Variants in ARHGEF3 observed in about 807,000 individuals in gnomAD.
ARHGEF3 encodes Rho guanine nucleotide exchange factor 3.
Under a neutral mutation model 63.2 loss-of-function variants are expected in ARHGEF3, and 28 were observed. The ratio of observed to expected loss-of-function variants is 0.44; its 90% CI spans 0.33 to 0.61. ARHGEF3 has a LOEUF of 0.61. Among genes scored for constraint, ARHGEF3 ranks in the 20% least tolerant of loss-of-function variants. The pLI, the probability that ARHGEF3 is intolerant of heterozygous loss-of-function variation, is 0.03. For synonymous variants in ARHGEF3, 266 were observed against 254.2 expected (o/e 1.05, Z -0.44); for missense variants, 533 against 659.3 (o/e 0.81, Z 2.10).
At chr3:57,069,854 AGGCGG>A (rs953658816) in intron 1 of ARHGEF3, among the ~76,000 whole-genome samples, 34 of 152,194 alleles carry the variant, frequency 2.2e-4, no homozygotes, top group Non-Finnish European at 1.2e-4. Flanking sequence ...TTTGCTGCCC[AGGCGG>A]GTCTCAAACT....
chr3:56,983,659 C>T (rs373351102), intron 2 of ARHGEF3, among the ~76,000 whole-genome samples: 10 of 152,106 alleles, frequency 6.6e-5, no homozygotes. Context: ...GACTATCAGC[C>T]GGAAGCAGTG....
chr3:56,831,792 A>G (rs1210079056), intron 4 of ARHGEF3, among the ~76,000 whole-genome samples: 1 of 152,256 alleles, frequency 6.6e-6, no homozygotes, highest in Non-Finnish European at 1.5e-5. Flanking sequence ...CCAGTTCCAC[A>G]TCAACCAGTT....
chr3:56,824,570 G>T (rs1167912393), intron 4 of ARHGEF3, among the ~76,000 whole-genome samples: 1 of 152,150 alleles, frequency 6.6e-6, no homozygotes, highest in Non-Finnish European at 1.5e-5. Context: ...ACCCAAATTT[G>T]CTTAAAAGCC....
chr3:57,067,816 A>G (rs1410480908), intron 1 of ARHGEF3, among the ~76,000 whole-genome samples: 1 of 71,674 alleles, frequency 1.4e-5, no homozygotes, highest in East Asian at 7.4e-4. Flanking sequence ...CGTCTCTACT[A>G]AAAAAAAAAA....
chr3:56,862,816 C>G (rs1260801932), intron 4 of ARHGEF3, among the ~76,000 whole-genome samples: 1 of 152,170 alleles, frequency 6.6e-6, no homozygotes, highest in African/African-American at 2.4e-5. Flanking sequence ...AAATGCACCC[C>G]CTTAGCAAAC....
At chr3:57,032,359 A>T (rs1703768492) in intron 2 of ARHGEF3, among the ~76,000 whole-genome samples, 1 of 152,234 alleles carries the variant, frequency 6.6e-6, no homozygotes, top group Non-Finnish European at 1.5e-5. Flanking sequence ...CAGATTCTGA[A>T]TAACAACTGA....
At chr3:56,911,962 CACACACATATATATAT>C (rs1363193373) in intron 3 of ARHGEF3, among the ~76,000 whole-genome samples, 5 of 150,720 alleles carry the variant, frequency 3.3e-5, no homozygotes, top group Non-Finnish European at 7.4e-5. Context: ...TATATATATA[CACACACATATATATAT>C]ACACACATAT....
At chr3:56,798,271 C>A (rs546615637) in intron 1 of ARHGEF3, among the ~76,000 whole-genome samples, 2 of 152,306 alleles carry the variant, frequency 1.3e-5, no homozygotes, top group African/African-American at 4.8e-5. Context: ...ATTTTTAAAA[C>A]TGCTGAGAGT....
intron 1 of ARHGEF3, among the ~76,000 whole-genome samples, chr3:56,774,502 A>C (rs1219010718): frequency 6.6e-6 from 1 of 152,180 alleles, no homozygotes; most frequent in Non-Finnish European, 1.5e-5. Flanking sequence ...AATCACCTCC[A>C]CATAAAACAT....
intron 1 of ARHGEF3, among the ~76,000 whole-genome samples, chr3:57,059,943 C>T (rs964133263): frequency 1.3e-5 from 2 of 152,004 alleles, no homozygotes; most frequent in Non-Finnish European, 2.9e-5. Context: ...TTGCAGTCAG[C>T]GGAGATCACG....
chr3:56,818,901 G>A (rs958068019), intron 4 of ARHGEF3, among the ~76,000 whole-genome samples: 3 of 152,102 alleles, frequency 2.0e-5, no homozygotes, highest in African/African-American at 4.8e-5. Flanking sequence ...AGAATAAAGA[G>A]AGAGGAAAGA....
intron 1 of ARHGEF3, among the ~76,000 whole-genome samples, chr3:57,063,271 C>T (rs1454878981): frequency 7.0e-6 from 1 of 143,344 alleles, no homozygotes; most frequent in Non-Finnish European, 1.5e-5. Context: ...GCAGCCAGAT[C>T]ACATGGGGCC....
intron 3 of ARHGEF3, among the ~76,000 whole-genome samples, chr3:56,945,075 A>G (rs1209727347): frequency 6.6e-6 from 1 of 152,230 alleles, no homozygotes; most frequent in Non-Finnish European, 1.5e-5. Flanking sequence ...CTTTCATGAA[A>G]GGAAAGAGTC....
chr3:56,775,880 C>T (rs1006088916), intron 1 of ARHGEF3, among the ~76,000 whole-genome samples: 2 of 152,116 alleles, frequency 1.3e-5, no homozygotes, highest in East Asian at 1.9e-4. Context: ...CTGAAAATGC[C>T]AGGTTGGTGG....
intron 2 of ARHGEF3, chr3:56,977,437 T>G: frequency 4.9e-6 from 2 of 404,354 alleles, no homozygotes; most frequent in Non-Finnish European, 9.9e-6. Context: ...CCACACTTTA[T>G]GACCCAGGCA....
chr3:56,755,735 T>G (rs1287890322), intron 2 of ARHGEF3, among the ~76,000 whole-genome samples: 1 of 152,126 alleles, frequency 6.6e-6, no homozygotes, highest in Non-Finnish European at 1.5e-5. Flanking sequence ...GAGTATTCCT[T>G]TGGGATTGTG....
chr3:57,001,302 G>T (rs764462644), intron 2 of ARHGEF3, among the ~76,000 whole-genome samples: 4 of 152,178 alleles, frequency 2.6e-5, no homozygotes, highest in African/African-American at 9.7e-5. Context: ...ATGCATGCAG[G>T]TGATAACTGC....
chr3:56,968,314 A>T lies in ARHGEF3; in HGVS notation c.63-9425T>A, dbSNP rs367650057. On this transcript the variant is annotated intron_variant, in intron 2 of 12. Transcript: ENST00000338458. ...TATATATAATATATAATATATATAA[A>T]ATATATTTTATATATATATAATATA... Among the ~76,000 whole-genome samples, 7 of 59,430 alleles carry T rather than the reference A, an allele frequency of 1.2e-4. 1 individual carries two copies. Among genetic ancestry groups the T allele is most frequent in the African/African-American group, 3.6e-4 (6 of 16,508 alleles). The allele number at this position is 59,430 out of a possible 152,430, so 39.0% of individuals were successfully genotyped here. A position where few individuals can be genotyped will look rare whatever the true frequency, so the allele number is the denominator to read the frequency against.
chr3:57,026,287 G>C (rs954110803), intron 2 of ARHGEF3, among the ~76,000 whole-genome samples: 2 of 152,086 alleles, frequency 1.3e-5, no homozygotes, highest in African/African-American at 4.8e-5. Context: ...TGTAGTCCCA[G>C]CTACTCAGGA....
Sources: gnomAD v4.1 joint callset for allele counts (sites outside exome capture counted in the v4.1 genomes callset) on GRCh38, gnomAD v4.1.1 for gene constraint, MANE v1.5 for transcripts, NCBI Gene and HGNC (gene_info 2026-07-23, HGNC 2026-07-21) for gene names.